The following RPTOR variants were observed in gnomAD, a reference collection of about 807,000 sequenced individuals.
The protein encoded by RPTOR is regulatory associated protein of MTOR complex 1, also known as regulatory-associated protein of mTOR.
A neutral mutation model predicts 169.9 loss-of-function variants in RPTOR; 21 were observed. That is an observed-to-expected ratio of 0.12 (90% confidence interval 0.09 to 0.18). RPTOR has a LOEUF of 0.18. Ranked by LOEUF, RPTOR falls within the 10% of genes least tolerant of loss-of-function variation. RPTOR has a pLI of 1.00. For missense variants in RPTOR, 1,133 were observed against 1,855.9 expected (o/e 0.61, Z 7.16); for synonymous variants, 732 against 753.2 (o/e 0.97, Z 0.46).
Position 80,771,795 on chromosome 17 carries a change from C to A in RPTOR, c.830+17610C>A, listed in dbSNP as rs1455823204. Among the ~76,000 whole-genome samples the A allele has an allele frequency of 2.0e-5, 3 of 152,178 alleles. No homozygotes were observed. In the East Asian group the frequency reaches 5.8e-4, roughly 29 times the overall value. ...GCCACCGCCATGCCCAGCTCCAGGC[C>A]TCGCCCCCGATATGGGGGAAGCTGT... On this transcript the variant is annotated intron_variant, in intron 6 of 33. Coordinates refer to ENST00000306801, the MANE Select transcript of RPTOR (RefSeq NM_020761.3).
At position 80,754,621 on chromosome 17, in the gene RPTOR, G is replaced by C. The variant is rs2066661739; in HGVS notation, c.830+436G>C. 6.6e-6 allele frequency among the ~76,000 whole-genome samples: 1 copy of C among 152,118 alleles called. No homozygotes were observed. On this transcript the variant is annotated intron_variant, in intron 6 of 33. Coordinates refer to ENST00000306801, the MANE Select transcript of RPTOR (RefSeq NM_020761.3). This position sits in a 1 kb window ranked among gnomAD's most constrained non-coding sequence, Gnocchi z 4.2. ...ATGAAAAAAGAGCCATGATTTTTCT[G>C]TCTCCATCCTTTTTAAGTTATAGCC...
chr17:80,779,375 G>T (rs963763957), intron 6 of RPTOR, among the ~76,000 whole-genome samples: 17 of 152,230 alleles, frequency 1.1e-4, no homozygotes, highest in Admixed American at 2.0e-4. Context: ...TGAAAGTGTG[G>T]CGCCTCCGTG....
intron 14 of RPTOR, among the ~76,000 whole-genome samples, chr17:80,881,926 G>T (rs1298783807): frequency 6.6e-6 from 1 of 152,202 alleles, no homozygotes; most frequent in East Asian, 1.9e-4. Flanking sequence ...TCAGTGCTTT[G>T]TGCCTGTTAT....
At position 80,777,447 on chromosome 17, in the gene RPTOR, C is replaced by T. The variant is rs183613301; in HGVS notation, c.831-14003C>T. Among the ~76,000 whole-genome samples, 238 of 152,158 alleles carry T rather than the reference C, an allele frequency of 1.6e-3. 1 individual carries two copies. The highest frequency in any genetic ancestry group is 2.6e-3 in the Non-Finnish European group (175 of 68,012). On this transcript the variant is annotated intron_variant, in intron 6 of 33. Coordinates refer to ENST00000306801, the MANE Select transcript of RPTOR (RefSeq NM_020761.3). ...GTCTCTGGTATGTCTTCATTCCAGC[C>T]GTCCTGCTGTGTGTGAAGTGGTATC...
chr17:80,790,760 C>T (rs747774795), intron 6 of RPTOR, among the ~76,000 whole-genome samples: 9 of 152,214 alleles, frequency 5.9e-5, no homozygotes, highest in Non-Finnish European at 1.2e-4. Context: ...GTTATTTGTT[C>T]TTAATTTTAA....
intron 3 of RPTOR, among the ~76,000 whole-genome samples, chr17:80,649,718 TATG>T (rs945313221): frequency 5.9e-5 from 9 of 151,572 alleles, no homozygotes; most frequent in African/African-American, 1.9e-4. Flanking sequence ...GAACTGTTCC[TATG>T]ATCAATGTTT....
chr17:80,741,072 C>T (rs1567885196), intron 5 of RPTOR, among the ~76,000 whole-genome samples: 1 of 152,164 alleles, frequency 6.6e-6, no homozygotes. Flanking sequence ...AATCCTTGCA[C>T]ACTGCTGGTG....
chr17:80,622,239 C>T (rs139006753), intron 1 of RPTOR, among the ~76,000 whole-genome samples: 2 of 152,278 alleles, frequency 1.3e-5, no homozygotes, highest in Non-Finnish European at 2.9e-5. Context: ...TATTACAGGG[C>T]ATGAAAGGAA....
intron 14 of RPTOR, among the ~76,000 whole-genome samples, chr17:80,883,165 GC>G (rs1567965879): frequency 6.6e-6 from 1 of 152,210 alleles, no homozygotes; most frequent in Non-Finnish European, 1.5e-5. Context: ...CCAGGTCTGT[GC>G]CCGTCTTGCA....
At chr17:80,630,070 A>G (rs2143548032) in intron 2 of RPTOR, among the ~76,000 whole-genome samples, 1 of 152,314 alleles carries the variant, frequency 6.6e-6, no homozygotes, top group Middle Eastern at 3.4e-3. Context: ...GGGGAAATGC[A>G]TATTGCCTGC....
chr17:80,731,966 T>A (rs369307791), intron 5 of RPTOR, among the ~76,000 whole-genome samples: 6 of 152,292 alleles, frequency 3.9e-5, no homozygotes, highest in African/African-American at 1.4e-4. Context: ...TGAAAAAGGA[T>A]CCACATGCAA....
In RPTOR at chr17:80,601,570, TTTA is replaced by T. The variant is rs1391708784; in HGVS notation, c.163-24120_163-24118del. Reference sequence around the variant, plus strand: ...ATGGTTCAGTCTTTTTTTTTTTTTTTTTAAATTTATTTTTTTATTGATAATTCT... The same window carrying T: ...ATGGTTCAGTCTTTTTTTTTTTTTTTAATTTATTTTTTTATTGATAATTCT... On this transcript the variant is annotated intron_variant, in intron 1 of 33. Coordinates refer to ENST00000306801, the MANE Select transcript of RPTOR (RefSeq NM_020761.3). Among the ~76,000 whole-genome samples, 9 of 56,816 alleles carry T rather than the reference TTTA, an allele frequency of 1.6e-4. 4 individuals carry two copies. The highest frequency in any genetic ancestry group is 7.2e-4 in the East Asian group (2 of 2,772). The allele number at this position is 56,816 out of a possible 152,430, so 37.3% of individuals were successfully genotyped here. A position where few individuals can be genotyped will look rare whatever the true frequency, so the allele number is the denominator to read the frequency against.
intron 6 of RPTOR, among the ~76,000 whole-genome samples, chr17:80,785,443 TAA>T (rs1300974001): frequency 6.6e-6 from 1 of 152,178 alleles, no homozygotes; most frequent in African/African-American, 2.4e-5. Context: ...TTGGCAGTTT[TAA>T]AAAGAGGAGA....
intron 2 of RPTOR, among the ~76,000 whole-genome samples, chr17:80,641,151 G>C (rs1033291546): frequency 6.6e-6 from 1 of 152,164 alleles, no homozygotes; most frequent in Non-Finnish European, 1.5e-5. Flanking sequence ...CAGTTGATTT[G>C]GGTCACTATG....
rs1176637362 is a variant in RPTOR at position 80,965,350 on chromosome 17, C to G, written c.*1020C>G. On this transcript the variant is annotated 3_prime_UTR_variant, in exon 34 of 34. Transcript: ENST00000306801. ...AGAGGCACTGCCGGGTCCCGGACGG[C>G]TCCGGGTGACACCAGCCCCGTCTCC... 1.7e-5 allele frequency: 4 copies of G among 233,224 alleles called. No individual in the cohort carries two copies. Among genetic ancestry groups the G allele is most frequent in the South Asian group, 1.8e-4 (1 of 5,536 alleles). 14.4% of individuals were successfully genotyped at this position (233,224 alleles called of 1,614,324 possible).
At chr17:80,884,236 C>T (rs1371518330) in intron 16 of RPTOR, among the ~76,000 whole-genome samples, 1 of 152,218 alleles carries the variant, frequency 6.6e-6, no homozygotes, top group African/African-American at 2.4e-5. Flanking sequence ...GCAGGGGTCA[C>T]GTGCTCGCTG....
intron 11 of RPTOR, among the ~76,000 whole-genome samples, chr17:80,848,719 T>C (rs978825702): frequency 2.0e-5 from 3 of 152,224 alleles, no homozygotes; most frequent in Non-Finnish European, 4.4e-5. Flanking sequence ...AGCAATGTGA[T>C]GGAGTAAAAT....
rs2065668549 is a variant in RPTOR, at chr17:80,654,959, AAGAAAG to A, written c.348+11156_348+11161del. Among the ~76,000 whole-genome samples, 3 of 152,254 alleles carry A rather than the reference AAGAAAG, an allele frequency of 2.0e-5. No individual in the cohort carries two copies. In the South Asian group the frequency reaches 6.2e-4, roughly 31 times the overall value. On this transcript the variant is annotated intron_variant, in intron 3 of 33. Coordinates refer to ENST00000306801, the MANE Select transcript of RPTOR (RefSeq NM_020761.3). ...AAGAAAAATAAATGGATAAACATAG[AAGAAAG>A]AGAAAGTTACCAAACCATTCCTCTT...
chr17:80,627,413 A>G, intron 2 of RPTOR, among the ~76,000 whole-genome samples: 1 of 152,220 alleles, frequency 6.6e-6, no homozygotes, highest in African/African-American at 2.4e-5. Context: ...CAAATGCCAT[A>G]ATCAATGTAT....
Sources: allele counts gnomAD v4.1 joint callset (sites outside exome capture counted in the v4.1 genomes callset), GRCh38; gene constraint gnomAD v4.1.1; non-coding constraint Gnocchi (gnomAD v3.1); transcripts MANE v1.5; gene names NCBI Gene and HGNC (gene_info 2026-07-23, HGNC 2026-07-21).